The following SLC39A11 variants were observed in gnomAD, a reference collection of about 807,000 sequenced individuals.
SLC39A11 encodes the protein solute carrier family 39 member 11, also known as zinc transporter ZIP11.
In SLC39A11, 33 loss-of-function variants were observed where a neutral mutation model predicts 36.1. The ratio of observed to expected loss-of-function variants is 0.91; its 90% confidence interval spans 0.69 to 1.22. The LOEUF (loss-of-function observed/expected upper bound fraction) is 1.22. Ranked by LOEUF, SLC39A11 falls within the 50% of genes most tolerant of loss-of-function variation. SLC39A11 has a pLI of 0.00. For missense variants in SLC39A11, 432 were observed against 430.3 expected, an observed-to-expected ratio of 1.00 and a Z score of -0.03; for synonymous variants, 166 against 170.3, an observed-to-expected ratio of 0.97 and a Z score of 0.20.
At chr17:72,657,575 T>C (rs1487496081) in intron 7 of SLC39A11, among the ~76,000 whole-genome samples, 1 of 152,038 alleles carries the variant, frequency 6.6e-6, no homozygotes, top group Admixed American at 6.5e-5. Flanking sequence ...AGTGTCCCTT[T>C]TGGGACAGGA....
intron 5 of SLC39A11, among the ~76,000 whole-genome samples, chr17:72,894,305 C>T (rs147514989): frequency 4.5e-4 from 61 of 136,132 alleles, no homozygotes; most frequent in African/African-American, 1.7e-3. Context: ...GAGGTTGCAG[C>T]ACACCAGTAT....
At chr17:72,765,568 T>A (rs73352904) in intron 6 of SLC39A11, among the ~76,000 whole-genome samples, 2,623 of 152,292 alleles carry the variant, frequency 0.017, 73 homozygotes, top group African/African-American at 0.059. Flanking sequence ...TCTATGGCTA[T>A]AAATCTGCCT....
intron 4 of SLC39A11, among the ~76,000 whole-genome samples, chr17:72,951,413 C>T (rs981728095): frequency 8.5e-5 from 13 of 152,070 alleles, no homozygotes; most frequent in Non-Finnish European, 1.5e-4. Flanking sequence ...AGAAGAATTT[C>T]GCTAGTTTCT....
At chr17:72,943,630 C>A (rs985640533) in intron 5 of SLC39A11, among the ~76,000 whole-genome samples, 1 of 152,216 alleles carries the variant, frequency 6.6e-6, no homozygotes, top group Non-Finnish European at 1.5e-5. Context: ...TGGCACCTCA[C>A]AACTGAATAA....
chr17:72,821,937 T>C (rs2077800636), intron 6 of SLC39A11: 2 of 151,480 alleles, frequency 1.3e-5, no homozygotes, highest in South Asian at 2.1e-4. Context: ...TCCATTCCCC[T>C]GTGGGAGACC....
intron 3 of SLC39A11, among the ~76,000 whole-genome samples, chr17:73,036,825 C>T (rs1409563398): frequency 2.0e-5 from 3 of 152,130 alleles, no homozygotes; most frequent in Non-Finnish European, 4.4e-5. Context: ...ATCATGTATC[C>T]ATCATTACTG....
At chr17:73,082,948 G>A (rs1443128170) in intron 3 of SLC39A11, among the ~76,000 whole-genome samples, 5 of 150,510 alleles carry the variant, frequency 3.3e-5, no homozygotes, top group African/African-American at 9.8e-5. Context: ...CTCGGGAGGC[G>A]GAGGTTGCAG....
chr17:72,700,914 G>A (rs2072580586), intron 7 of SLC39A11, among the ~76,000 whole-genome samples: 1 of 152,186 alleles, frequency 6.6e-6, no homozygotes, highest in South Asian at 2.1e-4. Context: ...CTCCCACTGG[G>A]CCCCTCCCAC....
At chr17:72,993,461 T>C (rs1477699805) in intron 4 of SLC39A11, among the ~76,000 whole-genome samples, 2 of 152,240 alleles carry the variant, frequency 1.3e-5, no homozygotes, top group Admixed American at 1.3e-4. Flanking sequence ...CAGCCAGGGC[T>C]GAGAACCACT....
At chr17:72,699,276 T>TA (rs949964164) in intron 7 of SLC39A11, among the ~76,000 whole-genome samples, 1 of 152,190 alleles carries the variant, frequency 6.6e-6, no homozygotes, top group African/African-American at 2.4e-5. Context: ...TGAGCTAAAA[T>TA]AAAAAAATTT....
At chr17:73,055,292 AGG>A (rs1306611719) in intron 3 of SLC39A11, among the ~76,000 whole-genome samples, 2 of 152,158 alleles carry the variant, frequency 1.3e-5, no homozygotes, top group Non-Finnish European at 2.9e-5. Context: ...GGGCACATTA[AGG>A]CTCTCAAAGG....
intron 7 of SLC39A11, among the ~76,000 whole-genome samples, chr17:72,701,635 C>T (rs936979011): frequency 1.4e-5 from 2 of 138,882 alleles, no homozygotes; most frequent in African/African-American, 5.4e-5. Flanking sequence ...GGCTGAAGCA[C>T]AAGAATTGCT....
intron 4 of SLC39A11, among the ~76,000 whole-genome samples, chr17:72,985,138 T>C (rs542520597): frequency 1.3e-5 from 2 of 152,248 alleles, no homozygotes; most frequent in African/African-American, 4.8e-5. Flanking sequence ...CTGACGCCAC[T>C]CCACAAGGCA....
intron 6 of SLC39A11, chr17:72,837,982 A>T: frequency 8.1e-7 from 1 of 1,231,296 alleles, no homozygotes; most frequent in Non-Finnish European, 1.0e-6. Flanking sequence ...GGGTGATGAG[A>T]GTATTCAGGA....
chr17:72,844,965 C>T (rs1299001591), intron 6 of SLC39A11, among the ~76,000 whole-genome samples: 1 of 152,162 alleles, frequency 6.6e-6, no homozygotes, highest in African/African-American at 2.4e-5. Flanking sequence ...CTCTCATATC[C>T]CACATCCAAT....
rs372236108 is a variant in SLC39A11 at position 73,090,861 on chromosome 17, G to A, written c.-12+1750C>T. On this transcript the variant is annotated intron_variant, in intron 1 of 9. Coordinates refer to ENST00000255559, the MANE Select transcript of SLC39A11 (RefSeq NM_139177.4). The stretch of plus-strand genomic sequence containing the variant: ...GAAAAAGGGACACAGAGGGAAGACC[G>A]AGGCCACCATCCTTTCCATCCCAAC... 3.7e-4 allele frequency among the ~76,000 whole-genome samples: 56 copies of A among 152,250 alleles called. No individual in the cohort carries two copies. The South Asian group carries it at 0.011, about 29-fold the overall frequency.
rs5821935 is a variant in SLC39A11, at chr17:72,940,277, C to CTT, written c.430+7473_430+7474dup. 5.0e-3 allele frequency among the ~76,000 whole-genome samples: 719 copies of CTT among 144,790 alleles called. 10 individuals carry two copies. Among genetic ancestry groups the CTT allele is most frequent in the South Asian group, 0.011 (51 of 4,574 alleles). 95.0% of individuals were successfully genotyped at this position (144,790 alleles called of 152,430 possible). ...AAAGATCAGACTTAGAGCCATCTGA[C>CTT]TTTTTTTTTTTTTTTGAGATGGAGT... is the stretch of plus-strand genomic sequence containing the variant. On this transcript the variant is annotated intron_variant, in intron 5 of 9. Coordinates refer to ENST00000255559, the MANE Select transcript of SLC39A11 (RefSeq NM_139177.4).
chr17:72,936,394 T>G (rs2084753260), intron 5 of SLC39A11, among the ~76,000 whole-genome samples: 2 of 117,558 alleles, frequency 1.7e-5, no homozygotes, highest in South Asian at 2.7e-4. Context: ...TATGGCAGTA[T>G]CTCATCTGAA....
intron 3 of SLC39A11, among the ~76,000 whole-genome samples, chr17:73,060,989 T>C (rs1005759729): frequency 3.9e-5 from 6 of 152,214 alleles, no homozygotes; most frequent in African/African-American, 1.4e-4. Context: ...AGTTTTGTCT[T>C]CAAGGAGGCT....
Sources: gnomAD v4.1 joint callset for allele counts (sites outside exome capture counted in the v4.1 genomes callset) on GRCh38, gnomAD v4.1.1 for gene constraint, MANE v1.5 for transcripts, NCBI Gene and HGNC (gene_info 2026-07-23, HGNC 2026-07-21) for gene names.